Variants in NRXN1 observed in about 807,000 individuals in gnomAD.
The protein encoded by NRXN1 is neurexin-1.
Under a neutral mutation model 150.9 loss-of-function variants are expected in NRXN1, and 39 were observed. That is an observed-to-expected ratio of 0.26 (90% CI 0.20 to 0.34). The LOEUF (loss-of-function observed/expected upper bound fraction) is 0.34. NRXN1 is among the 10% of genes least tolerant of loss of function. The pLI is 1.00. For synonymous variants in NRXN1, 924 were observed against 757.0 expected, an observed-to-expected ratio of 1.22 and a Z score of -3.62; for missense variants, 1,815 against 1,949.9, an observed-to-expected ratio of 0.93 and a Z score of 1.30.
chr2:51,014,179 G>GT (rs1668316637), intron 2 of NRXN1, among the ~76,000 whole-genome samples: 1 of 152,086 alleles, frequency 6.6e-6, no homozygotes, highest in African/African-American at 2.4e-5. Flanking sequence ...CAGGATGACT[G>GT]TAACACATTT....
intron 2 of NRXN1, among the ~76,000 whole-genome samples, chr2:50,932,435 T>G (rs935649897): frequency 2.0e-5 from 3 of 152,092 alleles, no homozygotes; most frequent in Non-Finnish European, 2.9e-5. Flanking sequence ...GTTGGTAGAT[T>G]GTTACCCATT....
At chr2:50,216,524 C>A (rs1377284168) in intron 18 of NRXN1, among the ~76,000 whole-genome samples, 1 of 151,732 alleles carries the variant, frequency 6.6e-6, no homozygotes, top group Non-Finnish European at 1.5e-5. Context: ...TTTCATTACA[C>A]CAAATGAAGA....
rs185664958 is a variant in NRXN1 at position 50,361,166 on chromosome 2, G to A, written c.3364+104276C>T. 2.6e-5 allele frequency among the ~76,000 whole-genome samples: 4 copies of A among 152,216 alleles called. No homozygotes were observed. The East Asian group carries it at 7.7e-4, about 29-fold the overall frequency. ...AATGCCCACAGGAGAAAGCAGGAAA[G>A]ATCTAAAATCAACACCCTAACATCA... On this transcript the variant is annotated intron_variant, in intron 17 of 22. Coordinates refer to ENST00000401669, the MANE Select transcript of NRXN1 (RefSeq NM_001330078.2).
chr2:50,613,943 A>G (rs1345905853), intron 8 of NRXN1, among the ~76,000 whole-genome samples: 1 of 152,204 alleles, frequency 6.6e-6, no homozygotes, highest in Non-Finnish European at 1.5e-5. Flanking sequence ...GTATCACCAC[A>G]TAAAATCAAG....
intron 5 of NRXN1, among the ~76,000 whole-genome samples, chr2:50,742,055 TA>T (rs1291117243): frequency 6.6e-6 from 1 of 151,952 alleles, no homozygotes; most frequent in Non-Finnish European, 1.5e-5. Context: ...GAAAAGAAAA[TA>T]AAAGAAATAT....
chr2:50,801,630 C>G (rs1271903564), intron 5 of NRXN1, among the ~76,000 whole-genome samples: 1 of 151,980 alleles, frequency 6.6e-6, no homozygotes, highest in African/African-American at 2.4e-5. Context: ...AAAACTTCAG[C>G]TTTTATAAGA....
chr2:50,344,247 T>G (rs1044250587), intron 17 of NRXN1, among the ~76,000 whole-genome samples: 2 of 152,190 alleles, frequency 1.3e-5, no homozygotes, highest in Non-Finnish European at 2.9e-5. Flanking sequence ...AGGCTTATTT[T>G]TTATCCTAAT....
At chr2:50,618,921 C>T (rs1262870451) in intron 8 of NRXN1, among the ~76,000 whole-genome samples, 1 of 151,924 alleles carries the variant, frequency 6.6e-6, no homozygotes, top group Non-Finnish European at 1.5e-5. Context: ...GTAGGTTTGG[C>T]CTTTCAGAAC....
intron 5 of NRXN1, among the ~76,000 whole-genome samples, chr2:50,649,656 A>C (rs1400406743): frequency 6.6e-6 from 1 of 152,020 alleles, no homozygotes; most frequent in Non-Finnish European, 1.5e-5. Flanking sequence ...GGAACTAGTA[A>C]TACCTACTGT....
intron 2 of NRXN1, among the ~76,000 whole-genome samples, chr2:50,994,515 T>A (rs1195559282): frequency 6.6e-6 from 1 of 152,054 alleles, no homozygotes. Context: ...AGAATGTACA[T>A]GCCAAGGATC....
intron 12 of NRXN1, among the ~76,000 whole-genome samples, chr2:50,527,234 A>T (rs1558883427): frequency 6.6e-6 from 1 of 152,168 alleles, no homozygotes; most frequent in Non-Finnish European, 1.5e-5. Context: ...TGAGGCACAG[A>T]TCTGGCTTTG....
intron 17 of NRXN1, among the ~76,000 whole-genome samples, chr2:50,428,007 T>G (rs1354380155): frequency 3.3e-5 from 5 of 152,220 alleles, no homozygotes; most frequent in Non-Finnish European, 7.3e-5. Flanking sequence ...TCAGACTCAC[T>G]TTCATTTTCC....
rs1044610497 is a variant in NRXN1, at chr2:51,020,284, G to A, written c.772+7218C>T. Among the ~76,000 whole-genome samples the A allele has an allele frequency of 6.6e-5, 10 of 151,222 alleles. No individual in the cohort carries two copies. In the East Asian group the frequency reaches 1.2e-3, roughly 18 times the overall value. On this transcript the variant is annotated intron_variant, in intron 2 of 22. Transcript: ENST00000401669. Reference sequence around the variant, plus strand: ...AACTTCATATAAACAGAATTATATCGTATGCACTCATATAATTGCTGCCTT... The same window carrying A: ...AACTTCATATAAACAGAATTATATCATATGCACTCATATAATTGCTGCCTT...
At chr2:50,941,754 T>A (rs1689483088) in intron 2 of NRXN1, among the ~76,000 whole-genome samples, 1 of 152,114 alleles carries the variant, frequency 6.6e-6, no homozygotes, top group African/African-American at 2.4e-5. Context: ...AACTTATGTT[T>A]AAAAGGGAAA....
intron 17 of NRXN1, among the ~76,000 whole-genome samples, chr2:50,278,242 A>ATATATATATGTATTATATATAT (rs2070843704): frequency 3.4e-5 from 4 of 118,298 alleles, no homozygotes; most frequent in Non-Finnish European, 6.5e-5. Flanking sequence ...TATATATATA[A>ATATATATATGTATTATATATAT]TATATATATA....
intron 16 of NRXN1, among the ~76,000 whole-genome samples, chr2:50,469,408 G>T (rs1275891372): frequency 6.6e-6 from 1 of 151,542 alleles, no homozygotes; most frequent in East Asian, 1.9e-4. Context: ...AGGCTTAGAG[G>T]TGTGTGGGTG....
At chr2:50,026,006 T>G (rs1472744986) in intron 21 of NRXN1, among the ~76,000 whole-genome samples, 1 of 152,210 alleles carries the variant, frequency 6.6e-6, no homozygotes, top group Admixed American at 6.5e-5. Flanking sequence ...CTCACTGGCT[T>G]AGTAGTGGAT....
At chr2:50,206,228 TACAC>T (rs66795755) in intron 18 of NRXN1, among the ~76,000 whole-genome samples, 29,354 of 106,174 alleles carry the variant, frequency 0.28, 3,270 homozygotes, top group East Asian at 0.45. Context: ...TACACACAAA[TACAC>T]ACACACACAC....
chr2:50,634,058 T>G (rs1011555503), intron 5 of NRXN1, among the ~76,000 whole-genome samples: 1 of 152,150 alleles, frequency 6.6e-6, no homozygotes, highest in Admixed American at 6.5e-5. Flanking sequence ...ACTGGGGCAA[T>G]GTGGGAATAC....
Sources: allele counts gnomAD v4.1 joint callset (sites outside exome capture counted in the v4.1 genomes callset), GRCh38; gene constraint gnomAD v4.1.1; transcripts MANE v1.5; gene names NCBI Gene and HGNC (gene_info 2026-07-23, HGNC 2026-07-21).